The following BFSP2 variants were observed in gnomAD, a reference collection of about 807,000 sequenced individuals.
The protein encoded by BFSP2 is beaded filament structural protein 2.
In BFSP2, 38 loss-of-function variants were observed where a neutral mutation model predicts 44.9. The observed-to-expected ratio is 0.85, with a 90% confidence interval of 0.65 to 1.11. The LOEUF is 1.11. Ranked by LOEUF, BFSP2 falls within the 50% of genes least tolerant of loss-of-function variation. The pLI, the probability that BFSP2 is intolerant of heterozygous loss-of-function variation, is 0.00. For missense variants in BFSP2, 525 were observed against 533.0 expected (o/e 0.99, Z 0.15); for synonymous variants, 197 against 209.9 (o/e 0.94, Z 0.53).
intron 4 of BFSP2, among the ~76,000 whole-genome samples, chr3:133,460,587 ATCT>A (rs2074053081): frequency 6.6e-6 from 1 of 152,168 alleles, no homozygotes; most frequent in South Asian, 2.1e-4. Flanking sequence ...AATAAGTGAC[ATCT>A]TGTGGAATGT....
intron 2 of BFSP2, among the ~76,000 whole-genome samples, chr3:133,448,072 G>A (rs2073920355): frequency 6.6e-6 from 1 of 152,216 alleles, no homozygotes; most frequent in Non-Finnish European, 1.5e-5. Flanking sequence ...GGGTGCTTTG[G>A]AGACAGAAAC....
intron 1 of BFSP2, among the ~76,000 whole-genome samples, chr3:133,441,976 A>G (rs2073849454): frequency 6.6e-6 from 1 of 152,198 alleles, no homozygotes; most frequent in African/African-American, 2.4e-5. Flanking sequence ...CTTGAGCAGG[A>G]GAGGGACTGG....
At chr3:133,423,238 G>A (rs983282944) in intron 1 of BFSP2, among the ~76,000 whole-genome samples, 8 of 152,034 alleles carry the variant, frequency 5.3e-5, no homozygotes, top group African/African-American at 4.8e-5. Flanking sequence ...GGTGCAAGCC[G>A]TAAAGTGCAA....
intron 1 of BFSP2, among the ~76,000 whole-genome samples, chr3:133,441,379 T>C (rs1455328972): frequency 6.6e-6 from 1 of 152,204 alleles, no homozygotes; most frequent in Non-Finnish European, 1.5e-5. Flanking sequence ...CTTAACTCAC[T>C]GTGCTTGGGC....
intron 1 of BFSP2, among the ~76,000 whole-genome samples, chr3:133,413,947 C>T (rs1268026478): frequency 6.6e-6 from 1 of 151,794 alleles, no homozygotes; most frequent in South Asian, 2.1e-4. Context: ...AAGACAAAGT[C>T]CCCTGCTGAA....
At chr3:133,436,627 T>C (rs2073785810) in intron 1 of BFSP2, among the ~76,000 whole-genome samples, 2 of 152,200 alleles carry the variant, frequency 1.3e-5, no homozygotes, top group South Asian at 4.1e-4. Flanking sequence ...TTATTATACT[T>C]TAAGTTCTAG....
intron 1 of BFSP2, among the ~76,000 whole-genome samples, chr3:133,444,048 G>C (rs1480452271): frequency 6.6e-6 from 1 of 151,736 alleles, no homozygotes; most frequent in Non-Finnish European, 1.5e-5. Context: ...TGGTACAAAT[G>C]ACTAGGACTT....
intron 4 of BFSP2, among the ~76,000 whole-genome samples, chr3:133,462,295 AAG>A (rs1204784183): frequency 6.6e-6 from 1 of 152,268 alleles, no homozygotes; most frequent in Admixed American, 6.5e-5. Context: ...AATGAGTATT[AAG>A]AGAGTGTGAA....
chr3:133,461,360 ATGCTCTCCTGCCCCAGAAGTAAT>A (rs2074060034), intron 4 of BFSP2, among the ~76,000 whole-genome samples: 1 of 152,226 alleles, frequency 6.6e-6, no homozygotes, highest in African/African-American at 2.4e-5. Flanking sequence ...AAATGTCGAC[ATGCTCTCCTGCCCCAGAAGTAAT>A]TGCACTCCTA....
chr3:133,446,183 G>A (rs914014926), intron 1 of BFSP2, among the ~76,000 whole-genome samples: 3 of 152,264 alleles, frequency 2.0e-5, no homozygotes, highest in African/African-American at 7.2e-5. Context: ...GACTCTGGGA[G>A]GCCAAGATGG....
intron 4 of BFSP2, among the ~76,000 whole-genome samples, chr3:133,460,045 C>T (rs149334582): frequency 1.3e-5 from 2 of 152,222 alleles, no homozygotes; most frequent in South Asian, 2.1e-4. Context: ...AAGGAACCCA[C>T]AGTCCAGTGT....
In BFSP2 at chr3:133,400,167, G is replaced by A. The variant is rs1252910090; in HGVS notation, c.84G>A (p.Arg28=). The change falls in exon 1 of 7, where the codon AGG becomes AGA. Residue 28 remains arginine (R), a synonymous_variant. Coordinates refer to ENST00000302334, the MANE Select transcript of BFSP2 (RefSeq NM_003571.4). This position sits in a 1 kb window ranked among gnomAD's most constrained non-coding sequence, Gnocchi z 4.0. ...TCCAGAGGCGCAGGGCGTCCTTCAG[G>A]GGGCCACGGTCATCATCCTCCCTGG... ...MPLQRRRASF[R]GPRSSSSLES... The A allele has an allele frequency of 6.2e-7, 1 of 1,614,132 alleles. No homozygotes were observed. Among genetic ancestry groups the A allele is most frequent in the South Asian group, 1.1e-5 (1 of 91,078 alleles).
chr3:133,419,496 G>C (rs1179541557), intron 1 of BFSP2, among the ~76,000 whole-genome samples: 1 of 152,180 alleles, frequency 6.6e-6, no homozygotes, highest in African/African-American at 2.4e-5. Flanking sequence ...CACAGTCTAT[G>C]TAGAGTGCCC....
chr3:133,442,114 A>G (rs180764219), intron 1 of BFSP2, among the ~76,000 whole-genome samples: 65 of 152,292 alleles, frequency 4.3e-4, no homozygotes, highest in African/African-American at 1.1e-3. Flanking sequence ...AGACACTTCT[A>G]TAGAGTTTTG....
chr3:133,437,004 A>T (rs1419550208), intron 1 of BFSP2, among the ~76,000 whole-genome samples: 1 of 152,166 alleles, frequency 6.6e-6, no homozygotes, highest in Non-Finnish European at 1.5e-5. Flanking sequence ...CCAGTCTATC[A>T]TTGTTGGACA....
chr3:133,404,474 C>A (rs559162641), intron 1 of BFSP2, among the ~76,000 whole-genome samples: 9 of 152,276 alleles, frequency 5.9e-5, no homozygotes, highest in African/African-American at 1.7e-4. Context: ...GGGGTTATCA[C>A]CCCACCCCAC....
chr3:133,469,431 A>T (rs2074142100), intron 5 of BFSP2, among the ~76,000 whole-genome samples: 1 of 152,366 alleles, frequency 6.6e-6, no homozygotes, highest in Middle Eastern at 3.4e-3. Flanking sequence ...CACTATTTGC[A>T]TTGGAAGCTA....
At chr3:133,445,716 G>C (rs553247993) in intron 1 of BFSP2, 2 of 152,226 alleles carry the variant, frequency 1.3e-5, no homozygotes, top group South Asian at 4.1e-4. Context: ...GGTATCATAA[G>C]TAATCTTGAG....
chr3:133,428,796 C>G (rs2086254), intron 1 of BFSP2, among the ~76,000 whole-genome samples: 128,640 of 152,204 alleles, frequency 0.85, 54,623 homozygotes, highest in Middle Eastern at 0.95. Context: ...GGCCACACTT[C>G]CATACCGCCT....
Sources: gnomAD v4.1 joint callset for allele counts (sites outside exome capture counted in the v4.1 genomes callset) on GRCh38, gnomAD v4.1.1 for gene constraint, Gnocchi (gnomAD v3.1) non-coding constraint, MANE v1.5 for transcripts, NCBI Gene and HGNC (gene_info 2026-07-23, HGNC 2026-07-21) for gene names.